LOC128462377: variants seen among roughly 807,000 people sequenced by gnomAD.
the LOC128462377 span, among the ~76,000 whole-genome samples, chr16:89,389,807 G>A: frequency 6.2e-3 from 881 of 142,224 alleles, 12 homozygotes; most frequent in South Asian, 0.025. Context: ...GGGGAGCACC[G>A]AGAGAGAAGA....
chr16:89,365,132 T>C, the LOC128462377 span, among the ~76,000 whole-genome samples: 396 of 152,358 alleles, frequency 2.6e-3, 3 homozygotes, highest in African/African-American at 8.8e-3. Context: ...AGACCATGTT[T>C]GCTTTCCTTT....
At chr16:89,402,679 G>T in the LOC128462377 span, among the ~76,000 whole-genome samples, 3 of 149,324 alleles carry the variant, frequency 2.0e-5, no homozygotes, top group Non-Finnish European at 3.0e-5. Context: ...GGGTGGTTCT[G>T]CGGGAGGAGG....
chr16:89,373,574 C>T, the LOC128462377 span: 1 of 152,272 alleles, frequency 6.6e-6, no homozygotes, highest in Non-Finnish European at 1.5e-5. Context: ...CAGACACCAG[C>T]GATTCGAGAG....
chr16:89,378,174 C>T, the LOC128462377 span, among the ~76,000 whole-genome samples: 1 of 152,000 alleles, frequency 6.6e-6, no homozygotes, highest in African/African-American at 2.4e-5. Flanking sequence ...ACATGGCAAG[C>T]GAGACTCTGT....
At chr16:89,375,016 A>G in the LOC128462377 span, among the ~76,000 whole-genome samples, 1 of 152,176 alleles carries the variant, frequency 6.6e-6, no homozygotes, top group Admixed American at 6.5e-5. Context: ...TACACAGATT[A>G]TAAAAAATTA....
chr16:89,347,295 C>A, the LOC128462377 span, among the ~76,000 whole-genome samples: 54 of 152,132 alleles, frequency 3.5e-4, no homozygotes, highest in African/African-American at 5.3e-4. Context: ...TATGTGTGTA[C>A]GTGAACATGT....
chr16:89,397,551 C>A, the LOC128462377 span, among the ~76,000 whole-genome samples: 3 of 152,188 alleles, frequency 2.0e-5, no homozygotes. Context: ...AGGGTTGAGC[C>A]CAGCCAAGTG....
the LOC128462377 span, among the ~76,000 whole-genome samples, chr16:89,334,144 T>TAAAAAAAA: frequency 0.011 from 443 of 41,398 alleles, 80 homozygotes; most frequent in African/African-American, 0.039. Flanking sequence ...CCCTGTGTTT[T>TAAAAAAAA]AAAAAAAAAA....
the LOC128462377 span, among the ~76,000 whole-genome samples, chr16:89,399,249 G>A: frequency 4.6e-5 from 7 of 152,062 alleles, no homozygotes; most frequent in Non-Finnish European, 7.3e-5. Context: ...TCATTTATCC[G>A]TAAGAGAAGC....
chr16:89,389,928 G>A, the LOC128462377 span, among the ~76,000 whole-genome samples: 25 of 95,098 alleles, frequency 2.6e-4, no homozygotes, highest in East Asian at 9.5e-4. Context: ...GGCGAACACC[G>A]AGTGTGGCGG....
chr16:89,393,121 T>C, the LOC128462377 span, among the ~76,000 whole-genome samples: 1 of 152,038 alleles, frequency 6.6e-6, no homozygotes, highest in Admixed American at 6.6e-5. Context: ...CCTGCATACC[T>C]TCTCTCACAG....
At chr16:89,384,133 G>A in the LOC128462377 span, among the ~76,000 whole-genome samples, 1 of 152,162 alleles carries the variant, frequency 6.6e-6, no homozygotes, top group African/African-American at 2.4e-5. Context: ...GGCAGGGAGA[G>A]TTGCTTGAAC....
the LOC128462377 span, among the ~76,000 whole-genome samples, chr16:89,398,647 C>G: frequency 6.6e-6 from 1 of 152,024 alleles, no homozygotes; most frequent in Non-Finnish European, 1.5e-5. Flanking sequence ...GGGGCTGAGG[C>G]AGGAGGAAGG....
chr16:89,365,635 T>TG, the LOC128462377 span, among the ~76,000 whole-genome samples: 2 of 152,214 alleles, frequency 1.3e-5, no homozygotes. Flanking sequence ...GGAAGAGCAG[T>TG]AAGCCAAGTA....
At chr16:89,381,813 A>G in the LOC128462377 span, among the ~76,000 whole-genome samples, 1 of 152,164 alleles carries the variant, frequency 6.6e-6, no homozygotes, top group African/African-American at 2.4e-5. Flanking sequence ...CCCCACGCGA[A>G]TGGGGGGAAG....
At chr16:89,412,503 G>A in the LOC128462377 span, 2 of 152,314 alleles carry the variant, frequency 1.3e-5, no homozygotes, top group Admixed American at 1.3e-4. Flanking sequence ...CCTTCTGGTG[G>A]CAATGATGTA....
At chr16:89,330,439 G>T in the LOC128462377 span, among the ~76,000 whole-genome samples, 5 of 152,252 alleles carry the variant, frequency 3.3e-5, no homozygotes, top group Admixed American at 3.3e-4. Flanking sequence ...TCTGGCAGAA[G>T]GCCCAAATTC....
the LOC128462377 span, among the ~76,000 whole-genome samples, chr16:89,384,874 GTTTTCTTTTTTTTT>G: frequency 4.1e-5 from 3 of 72,770 alleles, no homozygotes; most frequent in African/African-American, 1.7e-4. Flanking sequence ...ATGAGAAATA[GTTTTCTTTTTTTTT>G]TTTTTTTTTT....
chr16:89,415,687 G>C, the LOC128462377 span, among the ~76,000 whole-genome samples: 1 of 151,304 alleles, frequency 6.6e-6, no homozygotes, highest in Non-Finnish European at 1.5e-5. Flanking sequence ...AATCAGCTGG[G>C]TGTGGTGGTG....
Sources: allele counts gnomAD v4.1 joint callset (sites outside exome capture counted in the v4.1 genomes callset), GRCh38; gene constraint gnomAD v4.1.1; transcripts MANE v1.5.